Variants in ZNF804A observed in about 807,000 individuals in gnomAD.
ZNF804A encodes the protein zinc finger protein 804A.
A neutral mutation model predicts 16.5 loss-of-function variants in ZNF804A; 2 were observed. The ratio of observed to expected loss-of-function variants is 0.12; its 90% confidence interval spans 0.05 to 0.38. The LOEUF (loss-of-function observed/expected upper bound fraction) is 0.38, where lower values mean the gene tolerates loss of function less well. Ranked by LOEUF, ZNF804A falls within the 10% of genes least tolerant of loss-of-function variation. The probability of loss-of-function intolerance (pLI) is 0.99; values close to 1 mark genes in which losing one functional copy is unlikely to be tolerated. For missense variants in ZNF804A, 1,473 were observed against 1,390.7 expected, an observed-to-expected ratio of 1.06 and a Z score of -0.94; for synonymous variants, 534 against 489.6, an observed-to-expected ratio of 1.09 and a Z score of -1.20.
At chr2:184,904,209 TAAATC>T (rs921843804) in intron 2 of ZNF804A, among the ~76,000 whole-genome samples, 2 of 151,988 alleles carry the variant, frequency 1.3e-5, no homozygotes, top group African/African-American at 4.8e-5. Flanking sequence ...ACTGATAAAA[TAAATC>T]AAACAAAAAT....
intron 2 of ZNF804A, among the ~76,000 whole-genome samples, chr2:184,908,514 G>A (rs1156412570): frequency 6.6e-6 from 1 of 152,006 alleles, no homozygotes; most frequent in East Asian, 1.9e-4. Flanking sequence ...GCATGATCTG[G>A]GGATTAGGAA....
intron 1 of ZNF804A, among the ~76,000 whole-genome samples, chr2:184,832,976 G>T (rs1349389262): frequency 6.6e-6 from 1 of 151,756 alleles, no homozygotes; most frequent in Non-Finnish European, 1.5e-5. Context: ...AATTTTATTG[G>T]ACTTATGCAA....
At chr2:184,722,892 T>C (rs1693340579) in intron 1 of ZNF804A, among the ~76,000 whole-genome samples, 1 of 152,030 alleles carries the variant, frequency 6.6e-6, no homozygotes, top group South Asian at 2.1e-4. Flanking sequence ...TTAACGGTAT[T>C]TACCCTACAG....
At chr2:184,827,872 T>C (rs1367171712) in intron 1 of ZNF804A, among the ~76,000 whole-genome samples, 1 of 151,840 alleles carries the variant, frequency 6.6e-6, no homozygotes, top group Non-Finnish European at 1.5e-5. Flanking sequence ...GTTTACACGT[T>C]GATATTCCAA....
intron 2 of ZNF804A, among the ~76,000 whole-genome samples, chr2:184,899,117 T>C (rs1179062599): frequency 1.3e-5 from 2 of 151,994 alleles, no homozygotes; most frequent in Non-Finnish European, 1.5e-5. Context: ...TAATATAAGA[T>C]ACATGGTTCG....
chr2:184,760,677 C>A (rs930377257), intron 1 of ZNF804A, among the ~76,000 whole-genome samples: 16 of 152,084 alleles, frequency 1.1e-4, no homozygotes, highest in Admixed American at 1.0e-3. Context: ...ACTACAGACA[C>A]CCCATCAAGG....
At chr2:184,762,105 A>G (rs1482055635) in intron 1 of ZNF804A, among the ~76,000 whole-genome samples, 2 of 150,580 alleles carry the variant, frequency 1.3e-5, no homozygotes, top group African/African-American at 4.9e-5. Flanking sequence ...TTTTTCTCAC[A>G]TTGTCTCCTC....
intron 2 of ZNF804A, among the ~76,000 whole-genome samples, chr2:184,891,092 T>C (rs1684977770): frequency 6.6e-6 from 1 of 152,102 alleles, no homozygotes; most frequent in Non-Finnish European, 1.5e-5. Context: ...GATCTTGTAT[T>C]AAAAATTCAA....
At chr2:184,695,678 A>G (rs2105728259) in intron 1 of ZNF804A, among the ~76,000 whole-genome samples, 1 of 151,976 alleles carries the variant, frequency 6.6e-6, no homozygotes, top group East Asian at 1.9e-4. Context: ...TTGGCCTTCC[A>G]AAGTGTTGGG....
At chr2:184,821,888 T>C (rs1336203294) in intron 1 of ZNF804A, among the ~76,000 whole-genome samples, 5 of 151,972 alleles carry the variant, frequency 3.3e-5, no homozygotes, top group African/African-American at 4.8e-5. Flanking sequence ...GTCACAATAG[T>C]GAATATTAAA....
At chr2:184,610,238 G>A (rs1010628489) in intron 1 of ZNF804A, among the ~76,000 whole-genome samples, 7 of 152,076 alleles carry the variant, frequency 4.6e-5, no homozygotes, top group Non-Finnish European at 1.0e-4. Context: ...CCTTTACCTT[G>A]GATGTTCCAG....
chr2:184,806,562 A>T (rs1222005201), intron 1 of ZNF804A, among the ~76,000 whole-genome samples: 1 of 151,876 alleles, frequency 6.6e-6, no homozygotes, highest in Non-Finnish European at 1.5e-5. Context: ...ATAATAGGAC[A>T]AATTGTCATG....
At chr2:184,855,729 G>C (rs544927154) in intron 1 of ZNF804A, among the ~76,000 whole-genome samples, 2 of 151,842 alleles carry the variant, frequency 1.3e-5, no homozygotes, top group Non-Finnish European at 2.9e-5. Context: ...TATCATGATG[G>C]ACGCCATATA....
intron 1 of ZNF804A, among the ~76,000 whole-genome samples, chr2:184,823,249 C>G (rs1240636079): frequency 1.3e-5 from 2 of 151,878 alleles, no homozygotes; most frequent in Non-Finnish European, 2.9e-5. Context: ...CTAGATTGAT[C>G]CAGTGATTTT....
At chr2:184,684,129 T>C (rs1247625873) in intron 1 of ZNF804A, among the ~76,000 whole-genome samples, 1 of 152,242 alleles carries the variant, frequency 6.6e-6, no homozygotes, top group African/African-American at 2.4e-5. Context: ...CTTCTGAAGC[T>C]ATGACTTTAC....
At chr2:184,793,185 C>G (rs1694577358) in intron 1 of ZNF804A, among the ~76,000 whole-genome samples, 1 of 152,004 alleles carries the variant, frequency 6.6e-6, no homozygotes, top group Non-Finnish European at 1.5e-5. Flanking sequence ...TGGTGGGCAC[C>G]TGGGTTGATT....
Position 184,819,249 on chromosome 2 carries a change from C to T in ZNF804A, c.112-47120C>T, listed in dbSNP as rs556038718. Among the ~76,000 whole-genome samples the T allele has an allele frequency of 2.5e-4, 38 of 152,098 alleles. 1 individual carries two copies. The South Asian group carries it at 7.9e-3, about 32-fold the overall frequency. Reference sequence around the variant, plus strand: ...AGATGACAGCACAATCAAATTACAACTCAAGACTAAGAAATTTACTCAAAA... The same window carrying T: ...AGATGACAGCACAATCAAATTACAATTCAAGACTAAGAAATTTACTCAAAA... On this transcript the variant is annotated intron_variant, in intron 1 of 3. Coordinates refer to ENST00000302277, the MANE Select transcript of ZNF804A (RefSeq NM_194250.2).
At chr2:184,908,485 C>T (rs2105830585) in intron 2 of ZNF804A, among the ~76,000 whole-genome samples, 1 of 152,102 alleles carries the variant, frequency 6.6e-6, no homozygotes, top group East Asian at 1.9e-4. Flanking sequence ...GTTACTTTGC[C>T]ATGTAAGGTA....
intron 2 of ZNF804A, among the ~76,000 whole-genome samples, chr2:184,875,288 A>C (rs10210216): frequency 6.6e-6 from 1 of 152,126 alleles, no homozygotes; most frequent in East Asian, 1.9e-4. Flanking sequence ...TAAGACCTAA[A>C]GGGAAGTGCT....
Sources: allele counts gnomAD v4.1 joint callset (sites outside exome capture counted in the v4.1 genomes callset), GRCh38; gene constraint gnomAD v4.1.1; transcripts MANE v1.5; gene names NCBI Gene and HGNC (gene_info 2026-07-23, HGNC 2026-07-21).